Variants in KCNQ3 observed in about 807,000 individuals in gnomAD.
The protein encoded by KCNQ3 is potassium voltage-gated channel subfamily Q member 3, also known as potassium voltage-gated channel subfamily KQT member 3.
Under a neutral mutation model 92.5 loss-of-function variants are expected in KCNQ3, and 30 were observed. The ratio of observed to expected loss-of-function variants is 0.32; its 90% CI spans 0.24 to 0.44. The LOEUF is 0.44. Ranked by LOEUF, KCNQ3 falls within the 20% of genes least tolerant of loss-of-function variation. KCNQ3 has a pLI of 1.00. For missense variants in KCNQ3, 913 were observed against 1,140.3 expected (o/e 0.80, Z 2.87); for synonymous variants, 450 against 468.8 (o/e 0.96, Z 0.52).
At chr8:132,249,935 G>A (rs939238517) in intron 1 of KCNQ3, among the ~76,000 whole-genome samples, 8 of 152,160 alleles carry the variant, frequency 5.3e-5, no homozygotes, top group East Asian at 1.9e-4. Context: ...CAGCGGCACC[G>A]GCCGGCCGCT....
chr8:132,381,424 C>T (rs886936898), intron 1 of KCNQ3, among the ~76,000 whole-genome samples: 8 of 152,252 alleles, frequency 5.3e-5, no homozygotes, highest in Admixed American at 4.6e-4. Flanking sequence ...CACTAAGAAA[C>T]GACAGCCCTT....
At chr8:132,187,868 T>C (rs1043334457) in intron 1 of KCNQ3, among the ~76,000 whole-genome samples, 2 of 105,540 alleles carry the variant, frequency 1.9e-5, no homozygotes, top group African/African-American at 1.0e-4. Context: ...GTGGTGGTGG[T>C]GGTGATAGTG....
rs181948375 is a variant in KCNQ3, at chr8:132,211,772, G to A, written c.387-25591C>T. Among the ~76,000 whole-genome samples, 394 of 152,024 alleles carry A rather than the reference G, an allele frequency of 2.6e-3. 5 individuals are homozygous for A. Among genetic ancestry groups the A allele is most frequent in the African/African-American group, 9.1e-3 (378 of 41,472 alleles). On this transcript the variant is annotated intron_variant, in intron 1 of 14. Transcript: ENST00000388996. The stretch of plus-strand genomic sequence containing the variant: ...TTGAGACCAGCCTGACCAACATAGT[G>A]ACACCCCATCTCCACTAAAAATACA...
intron 8 of KCNQ3, among the ~76,000 whole-genome samples, chr8:132,166,008 C>G (rs1278498866): frequency 2.0e-5 from 3 of 152,160 alleles, no homozygotes; most frequent in Non-Finnish European, 4.4e-5. Context: ...ATAATCTTGA[C>G]CCTGGTCGTA....
At chr8:132,250,451 G>A (rs1815368042) in intron 1 of KCNQ3, among the ~76,000 whole-genome samples, 2 of 152,148 alleles carry the variant, frequency 1.3e-5, no homozygotes, top group South Asian at 4.1e-4. Context: ...TAATGAACTA[G>A]GAAATAGTGT....
At chr8:132,253,133 A>C (rs1815470804) in intron 1 of KCNQ3, among the ~76,000 whole-genome samples, 1 of 152,150 alleles carries the variant, frequency 6.6e-6, no homozygotes, top group Non-Finnish European at 1.5e-5. Flanking sequence ...ATATTTATGG[A>C]AGGTTTCTGT....
chr8:132,248,539 T>C (rs1338398824), intron 1 of KCNQ3, among the ~76,000 whole-genome samples: 2 of 152,162 alleles, frequency 1.3e-5, no homozygotes, highest in African/African-American at 4.8e-5. Context: ...ATTTCCCAAT[T>C]TAACACAATG....
intron 1 of KCNQ3, among the ~76,000 whole-genome samples, chr8:132,354,631 T>C (rs1192475866): frequency 6.6e-6 from 1 of 152,166 alleles, no homozygotes; most frequent in Non-Finnish European, 1.5e-5. Context: ...ACTCCCCATA[T>C]CCATACTTCC....
At chr8:132,133,889 T>A (rs1290854955) in intron 13 of KCNQ3, among the ~76,000 whole-genome samples, 2 of 152,224 alleles carry the variant, frequency 1.3e-5, no homozygotes, top group Non-Finnish European at 2.9e-5. Context: ...CTGAGTGTCT[T>A]CTCTGGCTTT....
At chr8:132,453,748 C>T (rs114954179) in intron 1 of KCNQ3, among the ~76,000 whole-genome samples, 2,002 of 152,236 alleles carry the variant, frequency 0.013, 35 homozygotes, top group African/African-American at 0.046. Context: ...ACACAACAGA[C>T]TCCTGATAAA....
At chr8:132,266,742 G>T (rs1172638690) in intron 1 of KCNQ3, among the ~76,000 whole-genome samples, 1 of 152,176 alleles carries the variant, frequency 6.6e-6, no homozygotes, top group Non-Finnish European at 1.5e-5. Context: ...CAGACTTTCT[G>T]ATTCAGCAGG....
intron 1 of KCNQ3, among the ~76,000 whole-genome samples, chr8:132,463,008 G>A (rs1261569951): frequency 2.6e-5 from 4 of 152,016 alleles, no homozygotes; most frequent in Admixed American, 6.6e-5. Context: ...GACAATGTTA[G>A]CATTCCGGGA....
chr8:132,271,840 C>T (rs1238359196), intron 1 of KCNQ3, among the ~76,000 whole-genome samples: 2 of 152,170 alleles, frequency 1.3e-5, no homozygotes, highest in African/African-American at 4.8e-5. Flanking sequence ...GCAAATCCGG[C>T]CCTGTGACGT....
intron 1 of KCNQ3, among the ~76,000 whole-genome samples, chr8:132,341,607 A>T (rs1051379964): frequency 2.6e-5 from 4 of 152,244 alleles, no homozygotes; most frequent in African/African-American, 9.6e-5. Flanking sequence ...CTGAATAAAC[A>T]AAGAAACAAT....
chr8:132,287,258 C>T (rs1290793357), intron 1 of KCNQ3, among the ~76,000 whole-genome samples: 1 of 152,106 alleles, frequency 6.6e-6, no homozygotes, highest in Admixed American at 6.6e-5. Context: ...AATAAGATGC[C>T]TTTAAGGGGC....
chr8:132,195,015 T>A (rs1228188868), intron 1 of KCNQ3, among the ~76,000 whole-genome samples: 2 of 152,218 alleles, frequency 1.3e-5, no homozygotes, highest in Admixed American at 1.3e-4. Flanking sequence ...ACCCGTCCAC[T>A]TCTGCCAAAC....
intron 1 of KCNQ3, among the ~76,000 whole-genome samples, chr8:132,476,148 C>T (rs1056554269): frequency 1.3e-5 from 2 of 152,204 alleles, no homozygotes; most frequent in Admixed American, 1.3e-4. Flanking sequence ...GGAACCTCCA[C>T]CTAGATTTCA....
At chr8:132,426,430 G>T (rs1326399476) in intron 1 of KCNQ3, among the ~76,000 whole-genome samples, 6 of 152,244 alleles carry the variant, frequency 3.9e-5, no homozygotes, top group Admixed American at 2.6e-4. Context: ...ACCCCCGCCA[G>T]TAAGCCTGCC....
At chr8:132,140,700 G>A (rs767238716) in intron 10 of KCNQ3, 1 of 259,910 alleles carries the variant, frequency 3.8e-6, no homozygotes, top group Non-Finnish European at 7.5e-6. Flanking sequence ...TCCTCCCTTT[G>A]CATAAGTAAA....
Sources: gnomAD v4.1 joint callset for allele counts (sites outside exome capture counted in the v4.1 genomes callset) on GRCh38, gnomAD v4.1.1 for gene constraint, MANE v1.5 for transcripts, NCBI Gene and HGNC (gene_info 2026-07-23, HGNC 2026-07-21) for gene names.